The following OR14A2 variants were observed in gnomAD, a reference collection of about 807,000 sequenced individuals.
OR14A2 encodes olfactory receptor 14A2.
For synonymous variants in OR14A2, 114 were observed against 58.6 expected (o/e 1.95, Z -4.32); for missense variants, 237 against 152.9 (o/e 1.55, Z -2.90).
At chr1:247,727,352 A>G (rs1196086055), upstream of OR14A2, among the ~76,000 whole-genome samples, 2 of 150,630 alleles carry the variant, frequency 1.3e-5, no homozygotes, top group Non-Finnish European at 2.9e-5. Flanking sequence ...GTTGGTATGT[A>G]AGAATGCTTG....
chr1:247,746,472 C>T, the OR14A2 span: 1 of 152,174 alleles, frequency 6.6e-6, no homozygotes, highest in Non-Finnish European at 1.5e-5. Context: ...TGTATCGCCT[C>T]TTCAGAAGCC....
At chr1:247,726,576 C>T (rs1660369749), upstream of OR14A2, among the ~76,000 whole-genome samples, 1 of 124,250 alleles carries the variant, frequency 8.0e-6, no homozygotes, top group Admixed American at 8.3e-5. Context: ...GTTGCCATTG[C>T]TTTTGGTGTT....
chr1:247,734,931 G>A, the OR14A2 span, among the ~76,000 whole-genome samples: 2 of 152,138 alleles, frequency 1.3e-5, no homozygotes, highest in East Asian at 1.9e-4. Flanking sequence ...TGGAAATTAC[G>A]TGAATATAAT....
chr1:247,739,550 G>A, the OR14A2 span: 1 of 773,156 alleles, frequency 1.3e-6, no homozygotes, highest in South Asian at 1.4e-5. Flanking sequence ...GTGGGGTAAT[G>A]AAAAGATGAC....
chr1:247,744,483 T>C, the OR14A2 span, among the ~76,000 whole-genome samples: 1 of 152,182 alleles, frequency 6.6e-6, no homozygotes, highest in East Asian at 1.9e-4. The surrounding 1 kb of genome is among the most constrained non-coding windows in gnomAD (Gnocchi z 4.3). Flanking sequence ...TAATTTTCTT[T>C]GGGACAAATT....
the OR14A2 span, among the ~76,000 whole-genome samples, chr1:247,742,992 C>A: frequency 6.6e-6 from 1 of 152,108 alleles, no homozygotes; most frequent in Non-Finnish European, 1.5e-5. Context: ...AACTAAGGAG[C>A]TAAATTAGTA....
At chr1:247,730,995 G>A in the OR14A2 span, among the ~76,000 whole-genome samples, 2 of 152,078 alleles carry the variant, frequency 1.3e-5, 1 homozygote, top group East Asian at 3.8e-4. Context: ...GCACTGTTTA[G>A]TCCAATTGTA....
At chr1:247,724,667 T>C (rs1194944678), upstream of OR14A2, among the ~76,000 whole-genome samples, 2 of 152,152 alleles carry the variant, frequency 1.3e-5, no homozygotes, top group Non-Finnish European at 2.9e-5. Context: ...ACATAATGAA[T>C]ATCTCACTTA....
At chr1:247,748,149 G>T in the OR14A2 span, among the ~76,000 whole-genome samples, 1 of 152,156 alleles carries the variant, frequency 6.6e-6, no homozygotes, top group East Asian at 1.9e-4. Context: ...ATTACATCAT[G>T]TTAGGAGGAA....
chr1:247,727,671 G>A (rs1468632596), upstream of OR14A2, among the ~76,000 whole-genome samples: 35 of 147,326 alleles, frequency 2.4e-4, no homozygotes, highest in African/African-American at 7.3e-4. Flanking sequence ...TTGATAGACC[G>A]CTAGCAAGAC....
At chr1:247,732,992 C>A in the OR14A2 span, among the ~76,000 whole-genome samples, 1 of 152,142 alleles carries the variant, frequency 6.6e-6, no homozygotes, top group African/African-American at 2.4e-5. Flanking sequence ...AGGAGAGATT[C>A]TTTCTTGGCT....
chr1:247,739,100 C>G, the OR14A2 span: 2 of 780,742 alleles, frequency 2.6e-6, no homozygotes, highest in African/African-American at 1.7e-5. Flanking sequence ...CTGGAACATT[C>G]TCTCTGAATT....
upstream of OR14A2, chr1:247,724,125 A>C: frequency 1.6e-6 from 1 of 607,332 alleles, no homozygotes; most frequent in Non-Finnish European, 3.0e-6. Flanking sequence ...AAATTAGTCT[A>C]TACAGACTAG....
chr1:247,731,054 A>G, the OR14A2 span, among the ~76,000 whole-genome samples: 2 of 152,162 alleles, frequency 1.3e-5, no homozygotes, highest in Non-Finnish European at 2.9e-5. Flanking sequence ...CATGTCTGAT[A>G]CTATTAACTT....
At chr1:247,723,438 T>C (rs1239981887) in exon 1 of OR14A2, 1 of 717,596 alleles carries the variant, frequency 1.4e-6, no homozygotes, top group South Asian at 1.5e-5. Flanking sequence ...TGCTTAAACA[T>C]GCACCAACTC....
At chr1:247,742,915 C>T in the OR14A2 span, among the ~76,000 whole-genome samples, 1 of 152,092 alleles carries the variant, frequency 6.6e-6, no homozygotes, top group Non-Finnish European at 1.5e-5. Context: ...GTATCTAGAA[C>T]TATGCTATCA....
At chr1:247,738,984 A>G in the OR14A2 span, 1 of 780,636 alleles carries the variant, frequency 1.3e-6, no homozygotes, top group East Asian at 2.4e-5. Context: ...CTATGCTGCC[A>G]TCTGCTGCCC....
the OR14A2 span, chr1:247,738,799 G>A: frequency 1.0e-5 from 8 of 780,600 alleles, no homozygotes; most frequent in South Asian, 4.0e-5. Context: ...TTTTTCCTCC[G>A]ACATTTGTCC....
chr1:247,738,601 T>G, the OR14A2 span: 1 of 765,278 alleles, frequency 1.3e-6, no homozygotes, highest in South Asian at 1.4e-5. Flanking sequence ...ATAGGGCGCT[T>G]ATAATTTTGA....
Sources: gnomAD v4.1 joint callset for allele counts (sites outside exome capture counted in the v4.1 genomes callset) on GRCh38, gnomAD v4.1.1 for gene constraint, Gnocchi (gnomAD v3.1) non-coding constraint, MANE v1.5 for transcripts, NCBI Gene and HGNC (gene_info 2026-07-23, HGNC 2026-07-21) for gene names.